Variants in IQCF5 observed in about 807,000 individuals in gnomAD.
IQCF5 encodes the protein IQ domain-containing protein F5.
A neutral mutation model predicts 3.4 loss-of-function variants in IQCF5; 2 were observed. The ratio of observed to expected loss-of-function variants is 0.58; its 90% CI spans 0.24 to 1.84. The LOEUF (loss-of-function observed/expected upper bound fraction) is 1.84, where lower values mean the gene tolerates loss of function less well. Ranked by LOEUF, IQCF5 falls within the 40% of genes most tolerant of loss-of-function variation. The pLI is 0.17. For missense variants in IQCF5, 167 were observed against 191.6 expected (o/e 0.87, Z 0.76); for synonymous variants, 58 against 64.7 (o/e 0.90, Z 0.49).
In IQCF5 at chr3:51,874,173, G is replaced by A. The variant is rs1698771656; in HGVS notation, c.7C>T (p.Pro3Ser). 4 of 1,549,396 alleles carry A rather than the reference G, an allele frequency of 2.6e-6. No homozygotes were observed. Among genetic ancestry groups the A allele is most frequent in the Non-Finnish European group, 3.5e-6 (4 of 1,145,324 alleles). MG[P>S]EEKTIMTERS... is the part of the protein sequence containing the mutation. ...TCTGTCATGATGGTCTTCTCTTCTGGGCCTTACAAGAGAAAACAGACACAC... is the reference window on the plus strand; with the variant it reads ...TCTGTCATGATGGTCTTCTCTTCTGAGCCTTACAAGAGAAAACAGACACAC... The change falls in exon 2 of 2, where the codon CCA becomes TCA. Residue 3 changes from proline (P) to serine (S), a missense_variant and splice_region_variant. Transcript: ENST00000446461.
chr3:51,874,266 T>C (rs1425613189), intron 1 of IQCF5, 91 bp from the exon 2 acceptor site: 1 of 1,317,930 alleles, frequency 7.6e-7, no homozygotes, highest in Non-Finnish European at 1.1e-6. Context: ...AGTTCAGCAC[T>C]GGGCAGGGCA....
chr3:51,874,342 C>T, intron 1 of IQCF5, 167 bp from the exon 2 acceptor site: 1 of 735,462 alleles, frequency 1.4e-6, no homozygotes, highest in African/African-American at 1.7e-5. Flanking sequence ...TGGATGTGCT[C>T]ACCTCACTTG....
Position 51,873,982 on chromosome 3 carries a change from C to T in IQCF5, c.198G>A (p.Gln66=). ...RRRMVLEFYV[Q]QEWAAVRLQS... ...GCAGCCTGACTGCTGCCCATTCCTG[C>T]TGCACATAGAACTCCAACACCATCC... Residue 66 remains glutamine, a synonymous_variant, in exon 2 of 2, where the codon CAG becomes CAA. Coordinates refer to ENST00000446461, the MANE Select transcript of IQCF5 (RefSeq NM_001145059.2). 1 of 1,552,236 alleles carries T rather than the reference C, an allele frequency of 6.4e-7. No homozygotes were observed. The highest frequency in any genetic ancestry group is 8.7e-7 in the Non-Finnish European group (1 of 1,147,228).
At chr3:51,874,325 A>T in intron 1 of IQCF5, 150 bp from the exon 2 acceptor site, 1 of 776,286 alleles carries the variant, frequency 1.3e-6, no homozygotes, top group Non-Finnish European at 2.2e-6. Context: ...TGCCACCCAC[A>T]GGTTAGTGGA....
At chr3:51,875,178 C>T (rs578229179) in intron 1 of IQCF5, 1 of 291,158 alleles carries the variant, frequency 3.4e-6, no homozygotes, top group East Asian at 8.1e-5. Flanking sequence ...CTCTTCTCCC[C>T]TTTGTTCCTT....
Position 51,873,949 on chromosome 3 carries a change from C to A in IQCF5, c.231G>T (p.Trp77Cys). 2 of 1,551,904 alleles carry A rather than the reference C, an allele frequency of 1.3e-6. No individual in the cohort carries two copies. Among genetic ancestry groups the A allele is most frequent in the Non-Finnish European group, 1.7e-6 (2 of 1,147,080 alleles). ...GCTGGCGGACACACCACATGCGGAC[C>A]CAGGACTGCAGCCTGACTGCTGCCC... ...QEWAAVRLQS[W>C]VRMWCVRQRY... Residue 77 changes from tryptophan to cysteine, a missense_variant, in exon 2 of 2, where the codon TGG becomes TGT. Coordinates refer to ENST00000446461, the MANE Select transcript of IQCF5 (RefSeq NM_001145059.2).
intron 1 of IQCF5, chr3:51,874,734 G>A (rs1698778088): frequency 6.2e-6 from 1 of 160,712 alleles, no homozygotes; most frequent in East Asian, 1.4e-4. Flanking sequence ...TTGCCCCTTG[G>A]TCCTGCATTC....
intron 1 of IQCF5, 162 bp from the exon 2 acceptor site, chr3:51,874,337 G>T: frequency 1.3e-6 from 1 of 742,086 alleles, no homozygotes; most frequent in Non-Finnish European, 2.4e-6. Flanking sequence ...GTTAGTGGAT[G>T]TGCTCACCTC....
At chr3:51,874,331 G>A (rs776174623) in intron 1 of IQCF5, 156 bp from the exon 2 acceptor site, 5 of 758,502 alleles carry the variant, frequency 6.6e-6, no homozygotes, top group African/African-American at 1.7e-5. Flanking sequence ...CCACAGGTTA[G>A]TGGATGTGCT....
chr3:51,875,573 C>G lies in IQCF5; in HGVS notation c.-42G>C, dbSNP rs1224645079. On this transcript the variant is annotated 5_prime_UTR_variant, in exon 1 of 2. Coordinates refer to ENST00000446461, the MANE Select transcript of IQCF5 (RefSeq NM_001145059.2). ...GTCCCATCACCCTCCGGCCCGCACT[C>G]CTCCGATCAGGACTCCAACAGGAAG... The G allele has an allele frequency of 3.9e-6, 6 of 1,551,662 alleles. No homozygotes were observed. The highest frequency in any genetic ancestry group is 5.2e-6 in the Non-Finnish European group (6 of 1,146,888).
In IQCF5 at chr3:51,873,748, A is replaced by G; in HGVS notation, c.432T>C (p.Leu144=). The change falls in exon 2 of 2, where the codon CTT becomes CTC. Residue 144 remains leucine (L), a synonymous_variant. Coordinates refer to ENST00000446461, the MANE Select transcript of IQCF5 (RefSeq NM_001145059.2). The part of the protein sequence containing the change: ...QACKVQQCIP[L]PLKE ...GCAGACCTGGTCATTCTTTTAATGG[A>G]AGGGGTATGCATTGTTGCACCTTAC... 6.5e-7 allele frequency: 1 copy of G among 1,550,284 alleles called. No homozygotes were observed. Among genetic ancestry groups the G allele is most frequent in the Non-Finnish European group, 8.7e-7 (1 of 1,145,778 alleles).
chr3:51,875,301 G>A, intron 1 of IQCF5: 1 of 589,828 alleles, frequency 1.7e-6, no homozygotes, highest in South Asian at 2.1e-5. Context: ...GAAAGTGAAA[G>A]GTGCTCTCCC....
At chr3:51,875,109 A>C in intron 1 of IQCF5, 1 of 218,526 alleles carries the variant, frequency 4.6e-6, no homozygotes, top group Non-Finnish European at 9.2e-6. Flanking sequence ...CCACTCACGG[A>C]GTTGTGGGTA....
chr3:51,875,452 TCTGA>T, intron 1 of IQCF5, 72 bp downstream of exon 1: 3 of 1,494,800 alleles, frequency 2.0e-6, no homozygotes, highest in Non-Finnish European at 2.7e-6. Context: ...CTAGTGTGGT[TCTGA>T]CTGCCTCTTA....
At chr3:51,875,405 T>C (rs564804500) in intron 1 of IQCF5, 123 bp downstream of exon 1, 16 of 1,058,184 alleles carry the variant, frequency 1.5e-5, no homozygotes, top group South Asian at 5.4e-5. Flanking sequence ...GGTCCTGTCA[T>C]GAGTAACTGT....
rs1698768584 is a variant in IQCF5 at position 51,874,023 on chromosome 3, G to A, written c.157C>T (p.Leu53=). The A allele has an allele frequency of 7.7e-6, 12 of 1,553,026 alleles. No homozygotes were observed. The highest frequency in any genetic ancestry group is 1.0e-5 in the Non-Finnish European group (12 of 1,147,624). The part of the protein sequence containing the change: ...CWWRQVLEKL[L]AKRRRMVLEF... ...AACACCATCCTCCGCCTCTTTGCCAGCAGCTTCTCCAGCACCTGCCTCCAC... is the reference window on the plus strand; with the variant it reads ...AACACCATCCTCCGCCTCTTTGCCAACAGCTTCTCCAGCACCTGCCTCCAC... Residue 53 remains leucine, a synonymous_variant, in exon 2 of 2, where the codon CTG becomes TTG. Transcript: ENST00000446461.
intron 1 of IQCF5, 156 bp from the exon 2 acceptor site, chr3:51,874,331 G>C: frequency 1.3e-6 from 1 of 758,620 alleles, no homozygotes. Context: ...CCACAGGTTA[G>C]TGGATGTGCT....
rs1277772422 is a variant in IQCF5, at chr3:51,873,991, G to A, written c.189C>T (p.Phe63=). The A allele has an allele frequency of 6.4e-7, 1 of 1,552,304 alleles. No homozygotes were observed. ...CTGCTGCCCATTCCTGCTGCACATAGAACTCCAACACCATCCTCCGCCTCT... is the reference window on the plus strand; with the variant it reads ...CTGCTGCCCATTCCTGCTGCACATAAAACTCCAACACCATCCTCCGCCTCT... ...LAKRRRMVLE[F]YVQQEWAAVR... Residue 63 remains phenylalanine, a synonymous_variant, in exon 2 of 2, where the codon TTC becomes TTT. Coordinates refer to ENST00000446461, the MANE Select transcript of IQCF5 (RefSeq NM_001145059.2).
At chr3:51,874,705 C>T in intron 1 of IQCF5, 1 of 324,100 alleles carries the variant, frequency 3.1e-6, no homozygotes, top group Non-Finnish European at 6.0e-6. Flanking sequence ...CATGCACACT[C>T]CACACACTAA....
Sources: gnomAD v4.1 joint callset for allele counts on GRCh38, gnomAD v4.1.1 for gene constraint, MANE v1.5 for transcripts, NCBI Gene and HGNC (gene_info 2026-07-23, HGNC 2026-07-21) for gene names.